Variants in EBF1 observed in about 807,000 individuals in gnomAD.
EBF1 encodes EBF transcription factor 1.
A neutral mutation model predicts 68.4 loss-of-function variants in EBF1; 10 were observed. The ratio of observed to expected loss-of-function variants is 0.15; its 90% confidence interval spans 0.09 to 0.25. The LOEUF is 0.25. Ranked by LOEUF, EBF1 falls within the 10% of genes least tolerant of loss-of-function variation. The pLI is 1.00. For synonymous variants in EBF1, 298 were observed against 299.8 expected, an observed-to-expected ratio of 0.99 and a Z score of 0.06; for missense variants, 509 against 794.4, an observed-to-expected ratio of 0.64 and a Z score of 4.32.
intron 6 of EBF1, among the ~76,000 whole-genome samples, chr5:159,010,659 A>G (rs919658652): frequency 6.6e-6 from 1 of 152,248 alleles, no homozygotes; most frequent in Non-Finnish European, 1.5e-5. Context: ...GTCACACTAC[A>G]TTCAAGATGG....
At chr5:158,844,633 T>C (rs1562097706) in intron 6 of EBF1, among the ~76,000 whole-genome samples, 1 of 152,242 alleles carries the variant, frequency 6.6e-6, no homozygotes. Flanking sequence ...CTATAATCCA[T>C]ATGTCCTGAT....
At chr5:158,830,026 T>C (rs1452172033) in intron 7 of EBF1, among the ~76,000 whole-genome samples, 1 of 152,202 alleles carries the variant, frequency 6.6e-6, no homozygotes, top group Non-Finnish European at 1.5e-5. Context: ...ACGTGATTCT[T>C]AATAAATGCA....
intron 12 of EBF1, 59 bp from the exon 13 acceptor site, chr5:158,713,206 A>AT (rs1581234588): frequency 3.0e-6 from 4 of 1,313,138 alleles, no homozygotes; most frequent in Non-Finnish European, 3.9e-6. Context: ...CAATAATACC[A>AT]TTTTTTCGGT....
chr5:158,755,644 G>T (rs1168710167), intron 10 of EBF1, among the ~76,000 whole-genome samples: 1 of 152,094 alleles, frequency 6.6e-6, no homozygotes, highest in Non-Finnish European at 1.5e-5. Flanking sequence ...GATTGGGAAG[G>T]CATTTTGAGA....
At chr5:158,839,946 A>T in intron 7 of EBF1, 83 bp downstream of exon 7, 1 of 1,355,358 alleles carries the variant, frequency 7.4e-7, no homozygotes. Flanking sequence ...AAAAAAAGCT[A>T]CGTATCTTCT....
chr5:159,060,322 T>C (rs1775555418), intron 6 of EBF1, among the ~76,000 whole-genome samples: 1 of 152,220 alleles, frequency 6.6e-6, no homozygotes, highest in African/African-American at 2.4e-5. Context: ...AAAAAGCATG[T>C]CATAATTTTT....
intron 6 of EBF1, among the ~76,000 whole-genome samples, chr5:158,919,970 G>A (rs1387075449): frequency 6.6e-6 from 1 of 151,678 alleles, no homozygotes; most frequent in African/African-American, 2.4e-5. Context: ...AAAATCTAGA[G>A]GAAAAAAATC....
At chr5:158,940,062 G>A (rs1281134950) in intron 6 of EBF1, among the ~76,000 whole-genome samples, 2 of 152,190 alleles carry the variant, frequency 1.3e-5, no homozygotes, top group African/African-American at 4.8e-5. Context: ...TACCTGGCGG[G>A]TAGCTGTAGT....
intron 10 of EBF1, among the ~76,000 whole-genome samples, chr5:158,734,681 AT>A (rs981546180): frequency 5.9e-5 from 9 of 152,132 alleles, no homozygotes; most frequent in East Asian, 3.9e-4. Flanking sequence ...GGACTAACCA[AT>A]TTTTTTCCCC....
At chr5:159,085,896 C>T (rs1324183129) in intron 4 of EBF1, among the ~76,000 whole-genome samples, 1 of 151,994 alleles carries the variant, frequency 6.6e-6, no homozygotes, top group Admixed American at 6.6e-5. Flanking sequence ...ATATAACTTG[C>T]GACCCAGTGT....
In EBF1 at chr5:158,970,696, G is replaced by A. The variant is rs192227485; in HGVS notation, c.554+102700C>T. ...AAAGCAGTTAAGACTAATTTCATGA[G>A]CTCATGTCCCAACTGTAACTCAAAA... On this transcript the variant is annotated intron_variant, in intron 6 of 15. Transcript: ENST00000313708. 3.5e-3 allele frequency among the ~76,000 whole-genome samples: 538 copies of A among 152,304 alleles called. 3 individuals are homozygous for A. The highest frequency in any genetic ancestry group is 0.012 in the African/African-American group (506 of 41,556).
chr5:158,940,645 A>G (rs1813035964), intron 6 of EBF1, among the ~76,000 whole-genome samples: 1 of 151,900 alleles, frequency 6.6e-6, no homozygotes, highest in Non-Finnish European at 1.5e-5. Context: ...ATTCTCAGGG[A>G]GACATCAAAG....
intron 6 of EBF1, among the ~76,000 whole-genome samples, chr5:158,873,817 A>C (rs1261019823): frequency 6.6e-6 from 1 of 152,216 alleles, no homozygotes; most frequent in Admixed American, 6.5e-5. Context: ...GTGCTATTTA[A>C]AGACACCTAC....
intron 7 of EBF1, among the ~76,000 whole-genome samples, chr5:158,826,098 T>C (rs953415838): frequency 1.3e-5 from 2 of 152,158 alleles, no homozygotes; most frequent in Admixed American, 6.5e-5. Flanking sequence ...CCTTCCTAAA[T>C]TTTGTCAATA....
intron 6 of EBF1, among the ~76,000 whole-genome samples, chr5:158,969,982 A>C (rs754733367): frequency 4.6e-5 from 7 of 151,830 alleles, no homozygotes; most frequent in Non-Finnish European, 7.4e-5. Context: ...AATTGGAAAC[A>C]CACCCCAAAC....
At chr5:159,021,868 T>C (rs1419654426) in intron 6 of EBF1, among the ~76,000 whole-genome samples, 1 of 152,146 alleles carries the variant, frequency 6.6e-6, no homozygotes, top group Admixed American at 6.5e-5. Context: ...CAGTCTCAAC[T>C]GTAAATGGCC....
intron 5 of EBF1, among the ~76,000 whole-genome samples, chr5:159,079,764 C>T (rs1168031825): frequency 1.3e-5 from 2 of 151,978 alleles, no homozygotes; most frequent in African/African-American, 2.4e-5. Context: ...GGTTCACACA[C>T]CACCACACCC....
At chr5:158,899,343 A>G (rs1802810732) in intron 6 of EBF1, among the ~76,000 whole-genome samples, 3 of 152,262 alleles carry the variant, frequency 2.0e-5, no homozygotes, top group African/African-American at 7.2e-5. Context: ...CTATGTTTAC[A>G]TCTTGCTTGT....
At chr5:158,983,036 T>C (rs1404525721) in intron 6 of EBF1, 3 of 152,178 alleles carry the variant, frequency 2.0e-5, no homozygotes, top group Non-Finnish European at 2.9e-5. Context: ...TGGATATCCA[T>C]CTTGGGGGCT....
Sources: allele counts gnomAD v4.1 joint callset (sites outside exome capture counted in the v4.1 genomes callset), GRCh38; gene constraint gnomAD v4.1.1; transcripts MANE v1.5; gene names NCBI Gene and HGNC (gene_info 2026-07-23, HGNC 2026-07-21).